Variants in DST observed in about 807,000 individuals in gnomAD.
DST encodes the protein bullous pemphigoid antigen.
Under a neutral mutation model 875.2 loss-of-function variants are expected in DST, and 253 were observed. The observed-to-expected ratio is 0.29, with a 90% CI of 0.26 to 0.32. The LOEUF (loss-of-function observed/expected upper bound fraction) is 0.32, where lower values mean the gene tolerates loss of function less well. Among genes scored for constraint, DST ranks in the 10% least tolerant of loss-of-function variants. The probability of loss-of-function intolerance (pLI) is 1.00; values close to 1 mark genes in which losing one functional copy is unlikely to be tolerated. For missense variants in DST, 8,287 were observed against 9,111.6 expected, an observed-to-expected ratio of 0.91 and a Z score of 3.68; for synonymous variants, 3,124 against 3,197.1, an observed-to-expected ratio of 0.98 and a Z score of 0.77.
chr6:56,908,962 A>G (rs543230799), intron 2 of DST, among the ~76,000 whole-genome samples: 1 of 152,342 alleles, frequency 6.6e-6, no homozygotes, highest in East Asian at 1.9e-4. Flanking sequence ...ATGTGTAACC[A>G]GTAGCCCTCT....
At chr6:56,815,833 A>G (rs1192075322) in intron 4 of DST, among the ~76,000 whole-genome samples, 1 of 152,180 alleles carries the variant, frequency 6.6e-6, no homozygotes, top group African/African-American at 2.4e-5. Context: ...AAACACTGCA[A>G]GACTATTAAA....
At chr6:56,945,052 G>A (rs1388040106) in intron 2 of DST, among the ~76,000 whole-genome samples, 1 of 152,194 alleles carries the variant, frequency 6.6e-6, no homozygotes, top group Non-Finnish European at 1.5e-5. Context: ...TGACATGGTA[G>A]AACTGCTCAA....
chr6:56,608,435 C>T lies in DST; in HGVS notation c.6193G>A (p.Ala2065Thr). Residue 2065 changes from alanine (A) to threonine (T), a missense_variant, in exon 40 of 104, where the codon GCT becomes ACT. Ala to Thr is a moderately conservative substitution (Grantham distance 58). Transcript: ENST00000680361. ...TSSSALLVLE[A>T]QRGYVGLIWP... The stretch of plus-strand genomic sequence containing the variant: ...ATGAGTCCAACATAGCCTCGCTGAG[C>T]TTCCAGGACCAGAAGAGCACTGCTG... The T allele has an allele frequency of 6.2e-7, 1 of 1,613,752 alleles. No homozygotes were observed. Among genetic ancestry groups the T allele is most frequent in the East Asian group, 2.2e-5 (1 of 44,888 alleles).
At chr6:56,612,310 A>G (rs2098552252) in intron 37 of DST, among the ~76,000 whole-genome samples, 1 of 152,348 alleles carries the variant, frequency 6.6e-6, no homozygotes, top group South Asian at 2.1e-4. Context: ...GGGAGGTTAC[A>G]GTGAGCTGAG....
rs748595263 is a variant in DST at position 56,477,402 on chromosome 6, G to A, written c.21618C>T (p.Pro7206=). The A allele has an allele frequency of 2.8e-5, 45 of 1,613,814 alleles. No individual in the cohort carries two copies. The highest frequency in any genetic ancestry group is 1.6e-4 in the Middle Eastern group (1 of 6,084). ...MGDTVLAICH[P]DSITTIKHWI... ...AGTGCTTAATGGTAGTGATGGAGTC[G>A]GGGTGGCAGATAGCCAAAACGGTGT... The change falls in exon 91 of 104, where the codon CCC becomes CCT. Residue 7206 remains proline (P), a synonymous_variant. Coordinates refer to ENST00000680361, the MANE Select transcript of DST (RefSeq NM_001374736.1).
At chr6:56,578,754 T>C (rs1054510124) in intron 50 of DST, 60 bp downstream of exon 50, 21 of 1,574,520 alleles carry the variant, frequency 1.3e-5, no homozygotes, top group African/African-American at 8.1e-5. Flanking sequence ...CCATATCTAT[T>C]AGGACACCTT....
In DST at chr6:56,606,812, T is replaced by C. The variant is rs375815796; in HGVS notation, c.7816A>G (p.Thr2606Ala). Residue 2606 changes from threonine (T) to alanine (A), a missense_variant, in exon 40 of 104, where the codon ACT (threonine) becomes GCT (alanine). This residue lies in a region of DST where 3,138 missense variants were observed against 3,116.6 expected (regional missense o/e 1.01). Coordinates refer to ENST00000680361, the MANE Select transcript of DST (RefSeq NM_001374736.1). Reference sequence around the variant, plus strand: ...TCATAAAAATCATCATCACTATCAGTGTCTGTTCCTGTGTTATTCTGCTGA... The same window carrying C: ...TCATAAAAATCATCATCACTATCAGCGTCTGTTCCTGTGTTATTCTGCTGA... The part of the protein sequence containing the change: ...NDQQNNTGTD[T>A]DSDDDFYDTP... 11 of 1,613,288 alleles carry C rather than the reference T, an allele frequency of 6.8e-6. No homozygotes were observed. Among genetic ancestry groups the C allele is most frequent in the Non-Finnish European group, 9.3e-6 (11 of 1,179,592 alleles).
At chr6:56,861,136 C>T (rs1259447737) in intron 3 of DST, among the ~76,000 whole-genome samples, 1 of 151,450 alleles carries the variant, frequency 6.6e-6, no homozygotes, top group Non-Finnish European at 1.5e-5. Flanking sequence ...TTGATAATAG[C>T]TTTTACACAC....
intron 2 of DST, among the ~76,000 whole-genome samples, chr6:56,935,352 A>ACTGCCTG (rs1265017199): frequency 6.6e-6 from 1 of 152,272 alleles, no homozygotes; most frequent in African/African-American, 2.4e-5. Context: ...AATGCTCGCA[A>ACTGCCTG]CTGCCTGCTG....
intron 4 of DST, among the ~76,000 whole-genome samples, chr6:56,801,439 A>C (rs1480658566): frequency 6.6e-6 from 1 of 152,178 alleles, no homozygotes; most frequent in Non-Finnish European, 1.5e-5. Context: ...AGGCCCTATA[A>C]ACTGTTTTCA....
intron 10 of DST, among the ~76,000 whole-genome samples, chr6:56,657,429 A>AT (rs1563502895): frequency 6.6e-6 from 1 of 151,950 alleles, no homozygotes; most frequent in Admixed American, 6.6e-5. Context: ...GGTCACATAT[A>AT]TTTTTTTTAA....
At chr6:56,715,649 A>G (rs2099392107) in intron 5 of DST, among the ~76,000 whole-genome samples, 1 of 152,190 alleles carries the variant, frequency 6.6e-6, no homozygotes, top group Non-Finnish European at 1.5e-5. Flanking sequence ...TTAACCACAG[A>G]AAAGAGAAGA....
chr6:56,583,282 G>A (rs1016836944), intron 49 of DST, among the ~76,000 whole-genome samples: 2 of 152,074 alleles, frequency 1.3e-5, no homozygotes, highest in Non-Finnish European at 2.9e-5. Flanking sequence ...TTTAATGATC[G>A]CCATTCTCAC....
chr6:56,607,726 T>C lies in DST; in HGVS notation c.6902A>G (p.Asp2301Gly), dbSNP rs1414945301. 2 of 1,613,398 alleles carry C rather than the reference T, an allele frequency of 1.2e-6. No individual in the cohort carries two copies. Among genetic ancestry groups the C allele is most frequent in the Admixed American group, 1.7e-5 (1 of 59,944 alleles). ...ATTTCTCATTTCATTAAATTCTTCATCTATAGCACACTTTCTATTTTCAGG... is the reference window on the plus strand; with the variant it reads ...ATTTCTCATTTCATTAAATTCTTCACCTATAGCACACTTTCTATTTTCAGG... ...ETPENRKCAI[D>G]EEFNEMRNTV... The change falls in exon 40 of 104, where the codon GAT becomes GGT. Residue 2301 changes from aspartate (D) to glycine (G), a missense_variant. Around this residue, in one of 10 missense-constraint regions of DST, gnomAD observed 3,138 missense variants for 3,116.6 expected, o/e 1.01. Transcript: ENST00000680361.
At position 56,511,368 on chromosome 6, in the gene DST, A is replaced by G; in HGVS notation, c.18609T>C (p.Pro6203=). ...CAGTTTTGTTCATCTTATCTATATGAGGCTTGTGTTCAGCTATCAACTCAC... is the reference window on the plus strand; with the variant it reads ...CAGTTTTGTTCATCTTATCTATATGGGGCTTGTGTTCAGCTATCAACTCAC... ...QLRELIAEHK[P]HIDKMNKTGP... The change falls in exon 73 of 104, where the codon CCT becomes CCC. Residue 6203 remains proline, a synonymous_variant. Transcript: ENST00000680361. 1 of 1,607,372 alleles carries G rather than the reference A, an allele frequency of 6.2e-7. No homozygotes were observed. Among genetic ancestry groups the G allele is most frequent in the Non-Finnish European group, 8.5e-7 (1 of 1,176,694 alleles).
intron 2 of DST, among the ~76,000 whole-genome samples, chr6:56,928,798 T>C (rs924793421): frequency 4.6e-5 from 7 of 152,070 alleles, no homozygotes; most frequent in Admixed American, 3.9e-4. Context: ...ACGGAAGACA[T>C]AATGTAAAAA....
chr6:56,551,763 G>A (rs2097328228), intron 61 of DST, among the ~76,000 whole-genome samples: 2 of 152,152 alleles, frequency 1.3e-5, no homozygotes, highest in African/African-American at 4.8e-5. Context: ...AAATTAAGAA[G>A]GATGAGAAGA....
At chr6:56,785,001 T>C (rs547689855) in intron 4 of DST, among the ~76,000 whole-genome samples, 1 of 152,218 alleles carries the variant, frequency 6.6e-6, no homozygotes, top group Non-Finnish European at 1.5e-5. Context: ...CTCCAGACCC[T>C]GTTTGCCTGG....
intron 2 of DST, among the ~76,000 whole-genome samples, chr6:56,922,949 A>G (rs1805053120): frequency 6.6e-6 from 1 of 151,454 alleles, no homozygotes; most frequent in Non-Finnish European, 1.5e-5. Flanking sequence ...ATAACTCTAG[A>G]TTCATGTAAA....
Sources: gnomAD v4.1 joint callset for allele counts (sites outside exome capture counted in the v4.1 genomes callset) on GRCh38, gnomAD v4.1.1 for gene constraint, gnomAD v4.1.1 regional missense constraint, MANE v1.5 for transcripts, NCBI Gene and HGNC (gene_info 2026-07-23, HGNC 2026-07-21) for gene names.